The following EFNB2 variants were observed in gnomAD, a reference collection of about 807,000 sequenced individuals.
The protein encoded by EFNB2 is ephrin-B2.
A neutral mutation model predicts 32.1 loss-of-function variants in EFNB2; 5 were observed. That is an observed-to-expected ratio of 0.16 (90% CI 0.08 to 0.33). EFNB2 has a LOEUF of 0.33. Ranked by LOEUF, EFNB2 falls within the 10% of genes least tolerant of loss-of-function variation. The pLI, the probability that EFNB2 is intolerant of heterozygous loss-of-function variation, is 1.00. For missense variants in EFNB2, 263 were observed against 422.6 expected, an observed-to-expected ratio of 0.62 and a Z score of 3.31; for synonymous variants, 168 against 166.5, an observed-to-expected ratio of 1.01 and a Z score of -0.07.
rs78701934 is a variant in EFNB2 at position 106,496,570 on chromosome 13, G to A, written c.407-730C>T. On this transcript the variant is annotated intron_variant, in intron 2 of 4. Transcript: ENST00000646441. The stretch of plus-strand genomic sequence containing the variant: ...ATGCCCACCACTCATTCTGGGTCCT[G>A]TGGCAGCCCTGGAGAGAAAGTGGGG... Among the ~76,000 whole-genome samples the A allele has an allele frequency of 3.5e-3, 530 of 152,346 alleles. 2 individuals are homozygous for A. Among genetic ancestry groups the A allele is most frequent in the African/African-American group, 0.012 (504 of 41,578 alleles).
intron 2 of EFNB2, among the ~76,000 whole-genome samples, chr13:106,502,645 A>G (rs1594164468): frequency 6.6e-6 from 1 of 152,222 alleles, no homozygotes; most frequent in Admixed American, 6.5e-5. Context: ...CTGAGAGAAA[A>G]GTCACAAAAT....
chr13:106,534,791 G>A (rs756103413), intron 1 of EFNB2, 52 bp downstream of exon 1: 122 of 1,562,372 alleles, frequency 7.8e-5, no homozygotes, highest in Non-Finnish European at 1.0e-4. Flanking sequence ...CCGCCCGGAC[G>A]GCGCGGCGGA....
chr13:106,510,798 G>A (rs1199021693), intron 2 of EFNB2, among the ~76,000 whole-genome samples: 2 of 152,196 alleles, frequency 1.3e-5, no homozygotes, highest in Non-Finnish European at 2.9e-5. Context: ...AGGATCACAA[G>A]GTCAAGAGAT....
At position 106,534,974 on chromosome 13, in the gene EFNB2, A is replaced by G; in HGVS notation, c.-10T>C. ...CCCTTCTCACAGCCATGGCGAAGCC[A>G]CTCCCAGCTCCGCGCACTCCGGGCC... On this transcript the variant is annotated 5_prime_UTR_variant, in exon 1 of 5. Coordinates refer to ENST00000646441, the MANE Select transcript of EFNB2 (RefSeq NM_004093.4). 6.2e-7 allele frequency: 1 copy of G among 1,612,064 alleles called. No individual in the cohort carries two copies. Among genetic ancestry groups the G allele is most frequent in the Non-Finnish European group, 8.5e-7 (1 of 1,178,998 alleles).
chr13:106,522,341 T>C (rs1404563842), intron 1 of EFNB2, among the ~76,000 whole-genome samples: 1 of 152,222 alleles, frequency 6.6e-6, no homozygotes, highest in African/African-American at 2.4e-5. Context: ...AACCATGCTT[T>C]CAGCAAGAGT....
At chr13:106,532,046 T>C (rs1185263542) in intron 1 of EFNB2, among the ~76,000 whole-genome samples, 1 of 141,324 alleles carries the variant, frequency 7.1e-6, no homozygotes, top group African/African-American at 2.7e-5. Flanking sequence ...ATTACTGTTC[T>C]CTGCTGAATT....
intron 2 of EFNB2, among the ~76,000 whole-genome samples, chr13:106,511,652 T>C (rs1277017868): frequency 6.6e-6 from 1 of 152,220 alleles, no homozygotes. Context: ...ACCAAGCCAC[T>C]GGAAAATTCA....
rs940059606 is a variant in EFNB2 at position 106,512,912 on chromosome 13, C to G, written c.123-100G>C. The G allele has an allele frequency of 1.4e-4, 132 of 969,722 alleles. 2 individuals carry two copies. The highest frequency in any genetic ancestry group is 1.8e-5 in the Non-Finnish European group (12 of 677,126). 60.1% of individuals were successfully genotyped at this position (969,722 alleles called of 1,614,324 possible). ...GCAATGCCCATAATCCCAAACTACA[C>G]ATTTTCAGATTCACACTTTAATTTA... On this transcript the variant is annotated intron_variant, in intron 1 of 4. Coordinates refer to ENST00000646441, the MANE Select transcript of EFNB2 (RefSeq NM_004093.4).
At chr13:106,527,811 T>A (rs1879749249) in intron 1 of EFNB2, among the ~76,000 whole-genome samples, 1 of 152,218 alleles carries the variant, frequency 6.6e-6, no homozygotes, top group Admixed American at 6.5e-5. Context: ...AAGCTAAATG[T>A]TGGATGAAGG....
intron 1 of EFNB2, among the ~76,000 whole-genome samples, chr13:106,522,938 T>C (rs552538859): frequency 3.9e-5 from 6 of 152,282 alleles, no homozygotes; most frequent in Admixed American, 1.3e-4. Context: ...AGGCATAAGA[T>C]GAGATAAAAC....
chr13:106,532,825 G>A (rs979703569), intron 1 of EFNB2, among the ~76,000 whole-genome samples: 14 of 151,716 alleles, frequency 9.2e-5, no homozygotes, highest in Non-Finnish European at 2.1e-4. Flanking sequence ...ATCAGAATGG[G>A]GGGGGGGAGT....
chr13:106,513,457 A>G (rs1013919921), intron 1 of EFNB2, among the ~76,000 whole-genome samples: 3 of 152,218 alleles, frequency 2.0e-5, no homozygotes, highest in African/African-American at 7.2e-5. Flanking sequence ...CTGCAAAATG[A>G]AGTGTCCTCT....
Position 106,493,877 on chromosome 13 carries a change from G to A in EFNB2, c.614-449C>T, listed in dbSNP as rs939825106. Among the ~76,000 whole-genome samples, 3 of 152,228 alleles carry A rather than the reference G, an allele frequency of 2.0e-5. No individual in the cohort carries two copies. The highest frequency in any genetic ancestry group is 1.9e-4 in the East Asian group (1 of 5,190). The stretch of plus-strand genomic sequence containing the variant: ...CAAAGGGCCTGCCTTCTAAAGAAGA[G>A]CCCTGCCTCCTGGCAGAACAGAACA... On this transcript the variant is annotated intron_variant, in intron 4 of 4. Coordinates refer to ENST00000646441, the MANE Select transcript of EFNB2 (RefSeq NM_004093.4). This position sits in a 1 kb window ranked among gnomAD's most constrained non-coding sequence, Gnocchi z 6.1.
At chr13:106,496,219 C>T (rs755707410) in intron 2 of EFNB2, among the ~76,000 whole-genome samples, 11 of 152,138 alleles carry the variant, frequency 7.2e-5, no homozygotes, top group East Asian at 3.9e-4. Flanking sequence ...CATTTCCAAA[C>T]GTGGTAATCA....
At chr13:106,534,706 G>T in intron 1 of EFNB2, 137 bp downstream of exon 1, 1 of 995,042 alleles carries the variant, frequency 1.0e-6, no homozygotes, top group Non-Finnish European at 1.4e-6. Flanking sequence ...GAAATGGGGC[G>T]GGGGTTGGGG....
At chr13:106,524,771 T>C (rs1165937196) in intron 1 of EFNB2, among the ~76,000 whole-genome samples, 2 of 152,112 alleles carry the variant, frequency 1.3e-5, no homozygotes, top group Non-Finnish European at 2.9e-5. Flanking sequence ...GTTGCACAGC[T>C]GAATGAGAAA....
At chr13:106,524,595 C>T (rs1442386479) in intron 1 of EFNB2, among the ~76,000 whole-genome samples, 3 of 152,176 alleles carry the variant, frequency 2.0e-5, no homozygotes, top group African/African-American at 7.2e-5. Context: ...AAACAACGTC[C>T]ACCAGTTAAG....
At chr13:106,506,248 T>C (rs1377725898) in intron 2 of EFNB2, 1 of 152,210 alleles carries the variant, frequency 6.6e-6, no homozygotes, top group Non-Finnish European at 1.5e-5. Context: ...TGACACATTT[T>C]CTTCTCTGGA....
At chr13:106,523,906 C>T (rs984934462) in intron 1 of EFNB2, among the ~76,000 whole-genome samples, 1 of 152,192 alleles carries the variant, frequency 6.6e-6, no homozygotes, top group East Asian at 1.9e-4. Flanking sequence ...TAGCTTGACA[C>T]ACACTCAGCA....
Sources: gnomAD v4.1 joint callset for allele counts (sites outside exome capture counted in the v4.1 genomes callset) on GRCh38, gnomAD v4.1.1 for gene constraint, Gnocchi (gnomAD v3.1) non-coding constraint, MANE v1.5 for transcripts, NCBI Gene and HGNC (gene_info 2026-07-23, HGNC 2026-07-21) for gene names.